The following TSHZ2 variants were observed in gnomAD, a reference collection of about 807,000 sequenced individuals.
The protein encoded by TSHZ2 is teashirt zinc finger homeobox 2.
A neutral mutation model predicts 74.4 loss-of-function variants in TSHZ2; 21 were observed. That is an observed-to-expected ratio of 0.28 (90% CI 0.20 to 0.41). The LOEUF (loss-of-function observed/expected upper bound fraction) is 0.41. TSHZ2 is among the 10% of genes least tolerant of loss of function. TSHZ2 has a pLI of 1.00. For missense variants in TSHZ2, 1,244 were observed against 1,293.5 expected, an observed-to-expected ratio of 0.96 and a Z score of 0.59; for synonymous variants, 540 against 515.3, an observed-to-expected ratio of 1.05 and a Z score of -0.65.
At chr20:53,351,525 T>A (rs1980645832) in intron 2 of TSHZ2, among the ~76,000 whole-genome samples, 2 of 152,184 alleles carry the variant, frequency 1.3e-5, no homozygotes, top group South Asian at 4.1e-4. Context: ...AAAAGTTACA[T>A]AAAAAATTAA....
intron 1 of TSHZ2, among the ~76,000 whole-genome samples, chr20:53,226,427 GGTGTGTGTAT>G (rs1186280882): frequency 6.7e-6 from 1 of 149,564 alleles, no homozygotes; most frequent in Non-Finnish European, 1.5e-5. Flanking sequence ...TGTGTGGGTC[GGTGTGTGTAT>G]GTGTGTGTGT....
intron 1 of TSHZ2, among the ~76,000 whole-genome samples, chr20:53,250,053 G>A (rs910434446): frequency 1.3e-5 from 2 of 152,282 alleles, no homozygotes; most frequent in South Asian, 4.1e-4. Flanking sequence ...GGATTTGCTC[G>A]TGAATCAGCT....
chr20:53,469,084 T>TATATATATATATAC (rs1351403317), intron 2 of TSHZ2, among the ~76,000 whole-genome samples: 6 of 132,352 alleles, frequency 4.5e-5, no homozygotes, highest in African/African-American at 1.7e-4. Flanking sequence ...TATATATATA[T>TATATATATATATAC]GTACATATTC....
intron 1 of TSHZ2, among the ~76,000 whole-genome samples, chr20:53,034,702 T>C (rs1983757195): frequency 1.3e-5 from 2 of 152,162 alleles, no homozygotes; most frequent in Admixed American, 1.3e-4. Context: ...GGCTTCCAGG[T>C]TGAGGGAACA....
At chr20:53,000,350 C>T (rs2248879) in intron 1 of TSHZ2, among the ~76,000 whole-genome samples, 57,329 of 151,996 alleles carry the variant, frequency 0.38, 11,324 homozygotes, top group Non-Finnish European at 0.45. Flanking sequence ...GAAAAGTTTG[C>T]TGGCTTCTGC....
chr20:53,205,796 A>C (rs774329855), intron 1 of TSHZ2, among the ~76,000 whole-genome samples: 20 of 152,314 alleles, frequency 1.3e-4, no homozygotes, highest in Admixed American at 3.3e-4. Context: ...TGTAGAAGGC[A>C]TGGTGATCAG....
At chr20:53,430,948 G>C (rs1983826988) in intron 2 of TSHZ2, among the ~76,000 whole-genome samples, 1 of 151,902 alleles carries the variant, frequency 6.6e-6, no homozygotes, top group Middle Eastern at 3.2e-3. Flanking sequence ...TAGAGACAGT[G>C]TTTCACCAGG....
At chr20:53,000,398 A>G (rs1437138977) in intron 1 of TSHZ2, among the ~76,000 whole-genome samples, 1 of 152,090 alleles carries the variant, frequency 6.6e-6, no homozygotes, top group Non-Finnish European at 1.5e-5. Context: ...TATGTGTAGG[A>G]CAGTCATATG....
chr20:52,988,456 T>G (rs1981855192), intron 1 of TSHZ2, among the ~76,000 whole-genome samples: 1 of 152,150 alleles, frequency 6.6e-6, no homozygotes, highest in Admixed American at 6.6e-5. Context: ...CTTTGTTGCT[T>G]CTCATAGTAT....
At chr20:53,025,343 G>GAT (rs1239433407) in intron 1 of TSHZ2, among the ~76,000 whole-genome samples, 1 of 152,064 alleles carries the variant, frequency 6.6e-6, no homozygotes, top group Non-Finnish European at 1.5e-5. Flanking sequence ...TCAAAGATCT[G>GAT]GTTGTCAATT....
intron 1 of TSHZ2, among the ~76,000 whole-genome samples, chr20:53,226,119 A>AACACACACAC (rs11470731): frequency 1.4e-5 from 2 of 147,538 alleles, no homozygotes; most frequent in African/African-American, 5.0e-5. Flanking sequence ...GACTAAATTT[A>AACACACACAC]ACACACACAC....
intron 1 of TSHZ2, among the ~76,000 whole-genome samples, chr20:53,002,862 C>G (rs945114267): frequency 6.6e-6 from 1 of 151,956 alleles, no homozygotes; most frequent in Non-Finnish European, 1.5e-5. Flanking sequence ...TTTTTAATTC[C>G]TAAGTCTTCA....
At chr20:53,331,322 C>T (rs1979712998) in intron 2 of TSHZ2, among the ~76,000 whole-genome samples, 1 of 152,304 alleles carries the variant, frequency 6.6e-6, no homozygotes, top group Non-Finnish European at 1.5e-5. Flanking sequence ...CCACGGAAAG[C>T]TCTGAATCCT....
chr20:53,294,628 C>T (rs1193712330), intron 2 of TSHZ2, among the ~76,000 whole-genome samples: 2 of 152,180 alleles, frequency 1.3e-5, no homozygotes, highest in Non-Finnish European at 2.9e-5. Context: ...TTCTCCTCAG[C>T]TCCTGATACT....
intron 1 of TSHZ2, among the ~76,000 whole-genome samples, chr20:53,064,436 T>C (rs975065227): frequency 3.9e-5 from 6 of 152,162 alleles, no homozygotes; most frequent in African/African-American, 1.4e-4. Context: ...CTTCTTTATT[T>C]TTTTTATGTT....
At chr20:53,418,581 C>G (rs1196145192) in intron 2 of TSHZ2, among the ~76,000 whole-genome samples, 1 of 152,088 alleles carries the variant, frequency 6.6e-6, no homozygotes, top group Non-Finnish European at 1.5e-5. Flanking sequence ...CTCGTGAGAC[C>G]TATTCACTAA....
At chr20:53,434,036 T>A (rs560543971) in intron 2 of TSHZ2, among the ~76,000 whole-genome samples, 1 of 152,222 alleles carries the variant, frequency 6.6e-6, no homozygotes, top group South Asian at 2.1e-4. Context: ...GCTCAGCTAA[T>A]TTTTTTGGAT....
At chr20:53,481,247 T>A (rs1293089591) in intron 2 of TSHZ2, among the ~76,000 whole-genome samples, 1 of 145,680 alleles carries the variant, frequency 6.9e-6, no homozygotes, top group Non-Finnish European at 1.5e-5. Flanking sequence ...CAGAGAGAAA[T>A]GAGGTTTTTA....
rs556982136 is a variant in TSHZ2, at chr20:53,318,074, C to T, written c.*8+61503C>T. Reference sequence around the variant, plus strand: ...TGTGTTAAACAAATGACTAGATGAACAGGTCGAATGTAATACAAGGAAGAG... The same window carrying T: ...TGTGTTAAACAAATGACTAGATGAATAGGTCGAATGTAATACAAGGAAGAG... On this transcript the variant is annotated intron_variant, in intron 2 of 2. Coordinates refer to ENST00000371497, the MANE Select transcript of TSHZ2 (RefSeq NM_173485.6). 1.6e-4 allele frequency among the ~76,000 whole-genome samples: 25 copies of T among 152,276 alleles called. No individual in the cohort carries two copies. The East Asian group carries it at 4.8e-3, about 29-fold the overall frequency.
Sources: gnomAD v4.1 joint callset for allele counts (sites outside exome capture counted in the v4.1 genomes callset) on GRCh38, gnomAD v4.1.1 for gene constraint, MANE v1.5 for transcripts, NCBI Gene and HGNC (gene_info 2026-07-23, HGNC 2026-07-21) for gene names.